Variants in HOTAIR observed in about 807,000 individuals in gnomAD.
The protein encoded by HOTAIR is HOX transcript antisense RNA (non-protein coding).
intron 1 of HOTAIR, among the ~76,000 whole-genome samples, chr12:53,972,287 G>A (rs999298826): frequency 3.9e-5 from 6 of 152,244 alleles, no homozygotes; most frequent in Admixed American, 2.6e-4. Flanking sequence ...AAAATCCACA[G>A]TGGATGTAGC....
intron 2 of HOTAIR, chr12:53,968,211 C>T (rs533756230): frequency 2.0e-5 from 3 of 152,324 alleles, no homozygotes; most frequent in South Asian, 2.1e-4. Context: ...CTTGGGCCTC[C>T]ACTCGTGAAC....
At chr12:53,966,769 G>C (rs1414980245) in intron 3 of HOTAIR, 1 of 152,340 alleles carries the variant, frequency 6.6e-6, no homozygotes. Context: ...CTAGGGGAGG[G>C]GTGAGGCAAG....
Position 53,973,907 on chromosome 12 carries a change from CA to C in HOTAIR, n.59+990del. Reference sequence around the variant, plus strand: ...CCCACTCCGTGGCCAAGGAGCCGGCCAAAGGAGCCGCCCCCAGTAGGTAGCA... The same window carrying C: ...CCCACTCCGTGGCCAAGGAGCCGGCCAAGGAGCCGCCCCCAGTAGGTAGCA... On this transcript the variant is annotated intron_variant and non_coding_transcript_variant, in intron 1 of 6. Coordinates refer to ENST00000424518, the Ensembl canonical transcript of HOTAIR. The surrounding 1 kb of genome is among the most constrained non-coding windows in gnomAD (Gnocchi z 4.3). 1 of 1,443,850 alleles carries C rather than the reference CA, an allele frequency of 6.9e-7. No individual in the cohort carries two copies. The highest frequency in any genetic ancestry group is 9.1e-7 in the Non-Finnish European group (1 of 1,096,706). The allele number at this position is 1,443,850 out of a possible 1,614,324, so 89.4% of individuals were successfully genotyped here. A position where few individuals can be genotyped will look rare whatever the true frequency, so the allele number is the denominator to read the frequency against.
At chr12:53,964,554 T>A (rs1939014891) in intron 5 of HOTAIR, among the ~76,000 whole-genome samples, 1 of 152,236 alleles carries the variant, frequency 6.6e-6, no homozygotes, top group Admixed American at 6.5e-5. Context: ...TTTGGAATTC[T>A]GTCCCCTGCA....
chr12:53,971,583 G>C (rs544702396), intron 1 of HOTAIR, among the ~76,000 whole-genome samples: 3 of 152,242 alleles, frequency 2.0e-5, no homozygotes, highest in Non-Finnish European at 4.4e-5. Flanking sequence ...GAGGGTTATG[G>C]ATGTAAAGAG....
chr12:53,963,034 G>A (rs1298075397), exon 7 of HOTAIR: 1 of 152,256 alleles, frequency 6.6e-6, no homozygotes, highest in Non-Finnish European at 1.5e-5. Flanking sequence ...GCGTGTAACA[G>A]GCAGGTGGAT....
intron 1 of HOTAIR, among the ~76,000 whole-genome samples, chr12:53,974,092 G>A (rs1469290439): frequency 6.7e-6 from 1 of 149,996 alleles, no homozygotes; most frequent in Admixed American, 6.6e-5. Flanking sequence ...AACCTACAAA[G>A]CCCTCTCTCC....
At chr12:53,969,210 T>G (rs1385025570) in intron 1 of HOTAIR, among the ~76,000 whole-genome samples, 1 of 152,252 alleles carries the variant, frequency 6.6e-6, no homozygotes, top group African/African-American at 2.4e-5. Context: ...ATTTCCAGCC[T>G]GCTTTTAAGA....
chr12:53,973,095 C>T lies in HOTAIR; in HGVS notation n.59+1803G>A. The T allele has an allele frequency of 1.6e-6, 1 of 622,560 alleles. No individual in the cohort carries two copies. Among genetic ancestry groups the T allele is most frequent in the Non-Finnish European group, 2.7e-6 (1 of 369,500 alleles). 38.6% of individuals were successfully genotyped at this position (622,560 alleles called of 1,614,324 possible). A position where few individuals can be genotyped will look rare whatever the true frequency, so the allele number is the denominator to read the frequency against. On this transcript the variant is annotated intron_variant and non_coding_transcript_variant, in intron 1 of 6. Transcript: ENST00000424518. The surrounding 1 kb of genome is among the most constrained non-coding windows in gnomAD (Gnocchi z 4.3). ...TCCTACGTCTGCGAAGTGCTCCGAA[C>T]TGATATATGACAATATCTACTTTGG...
rs1480440222 is a variant in HOTAIR at position 53,973,939 on chromosome 12, C to G, written n.59+959G>C. 2 of 1,425,966 alleles carry G rather than the reference C, an allele frequency of 1.4e-6. No homozygotes were observed. Among genetic ancestry groups the G allele is most frequent in the Admixed American group, 3.0e-5 (1 of 32,982 alleles). The allele number at this position is 1,425,966 out of a possible 1,614,324, so 88.3% of individuals were successfully genotyped here. Reference sequence around the variant, plus strand: ...GCCGCCCCCAGTAGGTAGCAGCGGCCGGGGAACGGGCGGGCAGCGAGGGAG... The same window carrying G: ...GCCGCCCCCAGTAGGTAGCAGCGGCGGGGGAACGGGCGGGCAGCGAGGGAG... On this transcript the variant is annotated intron_variant and non_coding_transcript_variant, in intron 1 of 6. Coordinates refer to ENST00000424518, the Ensembl canonical transcript of HOTAIR. This position sits in a 1 kb window ranked among gnomAD's most constrained non-coding sequence, Gnocchi z 4.3.
At chr12:53,969,785 C>A (rs969277983) in intron 1 of HOTAIR, among the ~76,000 whole-genome samples, 1 of 152,206 alleles carries the variant, frequency 6.6e-6, no homozygotes, top group African/African-American at 2.4e-5. Context: ...ACAATCCAAG[C>A]CCACTGGAGC....
In HOTAIR at chr12:53,973,406, C is replaced by A; in HGVS notation, n.59+1492G>T. ...TCTCCTCCTTCCTGCCCCAGGCCCC[C>A]TCTCGTCAGATCTCCTATCCCTACT... On this transcript the variant is annotated intron_variant and non_coding_transcript_variant, in intron 1 of 6. Transcript: ENST00000424518. This position sits in a 1 kb window ranked among gnomAD's most constrained non-coding sequence, Gnocchi z 4.3. 6.2e-7 allele frequency: 1 copy of A among 1,614,246 alleles called. No individual in the cohort carries two copies. Among genetic ancestry groups the A allele is most frequent in the Non-Finnish European group, 8.5e-7 (1 of 1,180,046 alleles).
Position 53,973,328 on chromosome 12 carries a change from C to A in HOTAIR, n.59+1570G>T, listed in dbSNP as rs777910326. On this transcript the variant is annotated intron_variant and non_coding_transcript_variant, in intron 1 of 6. Transcript: ENST00000424518. This position sits in a 1 kb window ranked among gnomAD's most constrained non-coding sequence, Gnocchi z 4.3. The stretch of plus-strand genomic sequence containing the variant: ...ATTTCGGCGAGCGAGGGAGCTGCGC[C>A]TCCAACCTCTATCTGCCCAGTTGCA... 4 of 1,614,126 alleles carry A rather than the reference C, an allele frequency of 2.5e-6. No homozygotes were observed. Among genetic ancestry groups the A allele is most frequent in the Non-Finnish European group, 3.4e-6 (4 of 1,180,014 alleles).
chr12:53,964,052 C>T (rs904946081), exon 7 of HOTAIR: 2 of 152,270 alleles, frequency 1.3e-5, no homozygotes, highest in Admixed American at 6.5e-5. Flanking sequence ...CGCTCTCTTC[C>T]CTCCTCTGGC....
In HOTAIR at chr12:53,973,161, G is replaced by T; in HGVS notation, n.59+1737C>A. On this transcript the variant is annotated intron_variant and non_coding_transcript_variant, in intron 1 of 6. Coordinates refer to ENST00000424518, the Ensembl canonical transcript of HOTAIR. The surrounding 1 kb of genome is among the most constrained non-coding windows in gnomAD (Gnocchi z 4.3). ...AGAGAGAGACTAAGACGGATAACGC[G>T]TCATCTCGCCTTCCCAAATTTTCCC... The T allele has an allele frequency of 9.4e-7, 1 of 1,059,682 alleles. No individual in the cohort carries two copies. The highest frequency in any genetic ancestry group is 2.4e-5 in the East Asian group (1 of 41,084). The allele number at this position is 1,059,682 out of a possible 1,614,324, so 65.6% of individuals were successfully genotyped here.
chr12:53,968,159 A>G (rs1252041393), intron 2 of HOTAIR: 1 of 152,232 alleles, frequency 6.6e-6, no homozygotes, highest in Non-Finnish European at 1.5e-5. Context: ...AAGTACACGC[A>G]CCGGAATGTT....
intron 1 of HOTAIR, among the ~76,000 whole-genome samples, chr12:53,974,747 G>T (rs1268780089): frequency 1.3e-5 from 2 of 151,858 alleles, no homozygotes; most frequent in African/African-American, 4.8e-5. Flanking sequence ...GACTGCTCTC[G>T]CCAGATTTCA....
At chr12:53,969,306 G>C (rs1939110604) in intron 1 of HOTAIR, among the ~76,000 whole-genome samples, 1 of 152,208 alleles carries the variant, frequency 6.6e-6, no homozygotes, top group Non-Finnish European at 1.5e-5. Context: ...AATAGGGTCG[G>C]GTTGCTAGCA....
exon 7 of HOTAIR, chr12:53,963,565 GAATC>G (rs1938993136): frequency 6.6e-6 from 1 of 152,288 alleles, no homozygotes; most frequent in South Asian, 2.1e-4. Context: ...CAGTCCAAAG[GAATC>G]AATTAATTAG....
Sources: gnomAD v4.1 joint callset for allele counts (sites outside exome capture counted in the v4.1 genomes callset) on GRCh38, gnomAD v4.1.1 for gene constraint, Gnocchi (gnomAD v3.1) non-coding constraint, MANE v1.5 for transcripts, NCBI Gene and HGNC (gene_info 2026-07-23, HGNC 2026-07-21) for gene names.